PEX5L: variants seen among roughly 807,000 people sequenced by gnomAD.
The protein encoded by PEX5L is peroxisomal biogenesis factor 5 like.
A neutral mutation model predicts 84.0 loss-of-function variants in PEX5L; 30 were observed. That is an observed-to-expected ratio of 0.36 (90% CI 0.27 to 0.48). The LOEUF is 0.48. PEX5L is among the 20% of genes least tolerant of loss of function. The pLI is 0.99. For synonymous variants in PEX5L, 270 were observed against 283.1 expected, an observed-to-expected ratio of 0.95 and a Z score of 0.46; for missense variants, 533 against 754.6, an observed-to-expected ratio of 0.71 and a Z score of 3.44.
rs1717874063 is a variant in PEX5L at position 179,798,432 on chromosome 3, A to G, written c.*3396T>C. 1 of 152,224 alleles carries G rather than the reference A, an allele frequency of 6.6e-6. No individual in the cohort carries two copies. The allele number at this position is 152,224 out of a possible 1,614,324, so 9.4% of individuals were successfully genotyped here. On this transcript the variant is annotated 3_prime_UTR_variant, in exon 15 of 15. Transcript: ENST00000467460. ...ATTTTTATTCCTCCTCCTCTCCCCT[A>G]TCCCTCTGTCTCCTCCTCACCAGGA...
intron 2 of PEX5L, 170 bp from the exon 3 acceptor site, chr3:179,898,416 A>C: frequency 2.2e-6 from 1 of 453,564 alleles, no homozygotes. Flanking sequence ...ATCTGAAAAA[A>C]GATTATTTGT....
At chr3:179,837,690 C>T (rs763844816) in intron 8 of PEX5L, among the ~76,000 whole-genome samples, 32 of 152,212 alleles carry the variant, frequency 2.1e-4, no homozygotes, top group Non-Finnish European at 4.1e-4. Context: ...TTAACCCAGT[C>T]ATGGGATGCT....
chr3:179,926,508 C>G (rs1161609549), intron 2 of PEX5L, among the ~76,000 whole-genome samples: 1 of 152,198 alleles, frequency 6.6e-6, no homozygotes, highest in African/African-American at 2.4e-5. Context: ...CAAGCATCAC[C>G]TCCTCAGATG....
chr3:179,893,911 T>C (rs1322250924), intron 3 of PEX5L, among the ~76,000 whole-genome samples: 1 of 152,084 alleles, frequency 6.6e-6, no homozygotes, highest in Non-Finnish European at 1.5e-5. Flanking sequence ...TTTGTGAGTT[T>C]TGAAATTCCT....
At chr3:179,898,540 T>C (rs1272025280) in intron 2 of PEX5L, among the ~76,000 whole-genome samples, 6 of 152,194 alleles carry the variant, frequency 3.9e-5, no homozygotes, top group Non-Finnish European at 8.8e-5. Flanking sequence ...CATGAATTTT[T>C]TGTAATATCA....
intron 1 of PEX5L, among the ~76,000 whole-genome samples, chr3:179,998,531 T>C (rs1788102946): frequency 6.6e-6 from 1 of 152,194 alleles, no homozygotes; most frequent in African/African-American, 2.4e-5. Flanking sequence ...AGCAAGGCCC[T>C]GCCATCTTCT....
chr3:179,821,105 C>A (rs530927439), intron 8 of PEX5L, among the ~76,000 whole-genome samples: 4 of 152,042 alleles, frequency 2.6e-5, no homozygotes, highest in African/African-American at 9.7e-5. Flanking sequence ...CCAGAAGCGG[C>A]GGGGCGGCGG....
chr3:179,975,188 C>G (rs1785621230), intron 1 of PEX5L, among the ~76,000 whole-genome samples: 1 of 151,682 alleles, frequency 6.6e-6, no homozygotes, highest in South Asian at 2.1e-4. Flanking sequence ...GACCCTGTCT[C>G]TAAAATAAAG....
chr3:179,981,657 T>G (rs572770574), intron 1 of PEX5L, among the ~76,000 whole-genome samples: 2 of 152,332 alleles, frequency 1.3e-5, no homozygotes, highest in African/African-American at 4.8e-5. Flanking sequence ...TGAAAAATTA[T>G]TTTTGAAAAA....
Position 179,819,848 on chromosome 3 carries a change from A to G in PEX5L, c.939+12T>C, listed in dbSNP as rs371949754. Reference sequence around the variant, plus strand: ...AAAAGTAGTCAGCATGTATAGGAACAGAATTGGTTACCTTCTCACTAGCCG... The same window carrying G: ...AAAAGTAGTCAGCATGTATAGGAACGGAATTGGTTACCTTCTCACTAGCCG... On this transcript the variant is annotated intron_variant, in intron 9 of 14. Transcript: ENST00000467460. 6.2e-7 allele frequency: 1 copy of G among 1,612,814 alleles called. No individual in the cohort carries two copies. Among genetic ancestry groups the G allele is most frequent in the Non-Finnish European group, 8.5e-7 (1 of 1,178,926 alleles).
chr3:179,929,260 A>G (rs1010139918), intron 2 of PEX5L, among the ~76,000 whole-genome samples: 3 of 152,172 alleles, frequency 2.0e-5, no homozygotes, highest in African/African-American at 4.8e-5. Flanking sequence ...AGCAGATCAG[A>G]GTCAGTTCTG....
At chr3:179,911,539 C>G (rs1019286597) in intron 2 of PEX5L, among the ~76,000 whole-genome samples, 5 of 152,024 alleles carry the variant, frequency 3.3e-5, no homozygotes, top group African/African-American at 9.7e-5. Flanking sequence ...TCAATACGCT[C>G]TAATAATATT....
At chr3:179,977,962 A>ATGTTT (rs1785969275) in intron 1 of PEX5L, among the ~76,000 whole-genome samples, 1 of 152,190 alleles carries the variant, frequency 6.6e-6, no homozygotes, top group Non-Finnish European at 1.5e-5. Flanking sequence ...GGCAAACAAA[A>ATGTTT]CATATGGCAA....
chr3:180,020,811 A>C (rs1313826868), intron 1 of PEX5L, among the ~76,000 whole-genome samples: 2 of 152,220 alleles, frequency 1.3e-5, no homozygotes, highest in Admixed American at 1.3e-4. Flanking sequence ...TAAAATGCTT[A>C]ATCTATACTA....
intron 1 of PEX5L, among the ~76,000 whole-genome samples, chr3:179,982,750 G>A (rs545759854): frequency 1.3e-5 from 2 of 152,070 alleles, no homozygotes; most frequent in African/African-American, 2.4e-5. Context: ...AGGGTTTAAC[G>A]AAAAGTCTTT....
intron 1 of PEX5L, among the ~76,000 whole-genome samples, chr3:179,990,911 G>C (rs573290651): frequency 1.9e-4 from 29 of 152,292 alleles, no homozygotes; most frequent in Non-Finnish European, 1.0e-4. Flanking sequence ...CACTTGGCTA[G>C]TCTGCTTTGA....
At chr3:179,853,317 T>A (rs1267023290) in intron 8 of PEX5L, among the ~76,000 whole-genome samples, 1 of 152,216 alleles carries the variant, frequency 6.6e-6, no homozygotes, top group African/African-American at 2.4e-5. Flanking sequence ...GTTGCAGCAC[T>A]TAGAGAGACT....
At chr3:179,922,461 T>TC (rs1404486434) in intron 2 of PEX5L, among the ~76,000 whole-genome samples, 2 of 150,998 alleles carry the variant, frequency 1.3e-5, no homozygotes, top group Admixed American at 6.6e-5. Flanking sequence ...CTTTTTTTTT[T>TC]TTTTTTTGAA....
At chr3:179,934,329 A>G (rs1335925276) in intron 2 of PEX5L, among the ~76,000 whole-genome samples, 2 of 152,240 alleles carry the variant, frequency 1.3e-5, no homozygotes, top group African/African-American at 4.8e-5. Context: ...CCAGGGATTA[A>G]GCTAAATGTC....
Sources: allele counts gnomAD v4.1 joint callset (sites outside exome capture counted in the v4.1 genomes callset), GRCh38; gene constraint gnomAD v4.1.1; transcripts MANE v1.5; gene names NCBI Gene and HGNC (gene_info 2026-07-23, HGNC 2026-07-21).